PRKG2: variants seen among roughly 807,000 people sequenced by gnomAD.
PRKG2 encodes cGMP-dependent protein kinase 2.
In PRKG2, 33 loss-of-function variants were observed where a neutral mutation model predicts 97.2. The observed-to-expected ratio is 0.34, with a 90% CI of 0.26 to 0.45. PRKG2 has a LOEUF of 0.45. Ranked by LOEUF, PRKG2 falls within the 20% of genes least tolerant of loss-of-function variation. The probability of loss-of-function intolerance (pLI) is 1.00; values close to 1 mark genes in which losing one functional copy is unlikely to be tolerated. For missense variants in PRKG2, 638 were observed against 900.0 expected (o/e 0.71, Z 3.73); for synonymous variants, 330 against 321.8 (o/e 1.03, Z -0.27).
chr4:81,118,050 T>C (rs140143435), intron 14 of PRKG2, among the ~76,000 whole-genome samples: 1 of 152,328 alleles, frequency 6.6e-6, no homozygotes, highest in Admixed American at 6.5e-5. Context: ...CTGTCTCCAA[T>C]AGTTTTGCCT....
intron 14 of PRKG2, among the ~76,000 whole-genome samples, chr4:81,118,656 T>A (rs1578370286): frequency 6.6e-6 from 1 of 152,370 alleles, no homozygotes; most frequent in Non-Finnish European, 1.5e-5. Flanking sequence ...TGTTTTCTTA[T>A]GGTTTAAAGC....
At chr4:81,173,034 T>C (rs890902273) in intron 3 of PRKG2, among the ~76,000 whole-genome samples, 1 of 152,154 alleles carries the variant, frequency 6.6e-6, no homozygotes, top group Non-Finnish European at 1.5e-5. Flanking sequence ...GTTGATATCA[T>C]GAATCTTAAT....
intron 2 of PRKG2, among the ~76,000 whole-genome samples, chr4:81,202,722 T>C (rs957057543): frequency 7.9e-6 from 1 of 126,084 alleles, no homozygotes; most frequent in African/African-American, 4.5e-5. Flanking sequence ...AAAGTGTATA[T>C]AACTACTGAT....
upstream of PRKG2, among the ~76,000 whole-genome samples, chr4:81,216,240 C>A (rs750712731): frequency 1.1e-4 from 16 of 151,898 alleles, no homozygotes; most frequent in Non-Finnish European, 1.5e-4. Context: ...TGAATGAGAC[C>A]ATTAAGTTTC....
At chr4:81,154,897 G>T (rs1297148264) in intron 6 of PRKG2, among the ~76,000 whole-genome samples, 1 of 152,104 alleles carries the variant, frequency 6.6e-6, no homozygotes, top group Admixed American at 6.5e-5. Context: ...TGTATAGGCC[G>T]GGCGCGGTGG....
intron 6 of PRKG2, among the ~76,000 whole-genome samples, chr4:81,159,777 C>G (rs1011166677): frequency 5.9e-5 from 9 of 151,536 alleles, no homozygotes; most frequent in Non-Finnish European, 1.2e-4. Flanking sequence ...TACTATGCAG[C>G]CATAAAAAAT....
At chr4:81,116,351 C>T (rs1294915535) in intron 14 of PRKG2, among the ~76,000 whole-genome samples, 1 of 152,050 alleles carries the variant, frequency 6.6e-6, no homozygotes. Flanking sequence ...CATGTTGCTG[C>T]GAAGTACATG....
intron 17 of PRKG2, among the ~76,000 whole-genome samples, chr4:81,101,638 G>A (rs1344281461): frequency 1.3e-5 from 2 of 150,954 alleles, no homozygotes; most frequent in Non-Finnish European, 2.9e-5. Flanking sequence ...ACTGAGTGCA[G>A]CACACCAACA....
chr4:81,126,561 T>C lies in PRKG2; in HGVS notation c.1776+8594A>G, dbSNP rs1020567968. 1.2e-4 allele frequency among the ~76,000 whole-genome samples: 19 copies of C among 152,368 alleles called. 1 individual carries two copies. Among genetic ancestry groups the C allele is most frequent in the African/African-American group, 3.4e-4 (14 of 41,592 alleles). ...CTGTTATTTCCAGACTTCTTAATGA[T>C]TGCCCTTCTAACTGGCGTGAGCTGG... On this transcript the variant is annotated intron_variant, in intron 14 of 18. Transcript: ENST00000264399.
At chr4:81,180,638 A>T (rs1185688286) in intron 2 of PRKG2, among the ~76,000 whole-genome samples, 1 of 152,144 alleles carries the variant, frequency 6.6e-6, no homozygotes, top group African/African-American at 2.4e-5. Flanking sequence ...AAATTGGCAA[A>T]ATTAAAAGAA....
At chr4:81,217,048 T>TATATATAA (rs1754303958), upstream of PRKG2, among the ~76,000 whole-genome samples, 1 of 141,818 alleles carries the variant, frequency 7.1e-6, no homozygotes, top group African/African-American at 2.7e-5. Context: ...TATATATATA[T>TATATATAA]ATATATGTGT....
At chr4:81,161,158 C>A (rs922514079) in intron 6 of PRKG2, among the ~76,000 whole-genome samples, 1 of 152,078 alleles carries the variant, frequency 6.6e-6, no homozygotes, top group South Asian at 2.1e-4. Context: ...CTAATACTAA[C>A]AAACATGCGT....
chr4:81,130,317 A>G (rs1746044779), intron 14 of PRKG2, among the ~76,000 whole-genome samples: 2 of 152,170 alleles, frequency 1.3e-5, no homozygotes, highest in African/African-American at 2.4e-5. Context: ...TTACCAGGTG[A>G]GGCTGCAGAA....
chr4:81,190,906 T>C (rs1480408992), intron 2 of PRKG2, among the ~76,000 whole-genome samples: 1 of 152,130 alleles, frequency 6.6e-6, no homozygotes, highest in Non-Finnish European at 1.5e-5. Flanking sequence ...CCAGGTAGAA[T>C]GGTGATCATT....
intron 6 of PRKG2, among the ~76,000 whole-genome samples, chr4:81,163,573 G>A (rs1224311331): frequency 6.6e-6 from 1 of 151,888 alleles, no homozygotes; most frequent in East Asian, 1.9e-4. Context: ...CTCTAAATTG[G>A]TTTCATAACC....
intron 17 of PRKG2, among the ~76,000 whole-genome samples, chr4:81,102,015 T>C (rs755319279): frequency 7.9e-5 from 12 of 152,076 alleles, no homozygotes; most frequent in Non-Finnish European, 1.3e-4. Context: ...ACTATGAAAA[T>C]AGAATGAAAA....
chr4:81,096,275 C>T (rs1742105434), intron 17 of PRKG2, among the ~76,000 whole-genome samples: 1 of 152,104 alleles, frequency 6.6e-6, no homozygotes, highest in Non-Finnish European at 1.5e-5. Flanking sequence ...GGCATAGTGG[C>T]TCATGCCTAC....
At chr4:81,189,780 A>G (rs1259690863) in intron 2 of PRKG2, among the ~76,000 whole-genome samples, 1 of 150,330 alleles carries the variant, frequency 6.7e-6, no homozygotes, top group African/African-American at 2.5e-5. Context: ...TAATAAAAAG[A>G]AAAAAAACAG....
chr4:81,169,952 G>T (rs541456226), intron 4 of PRKG2, among the ~76,000 whole-genome samples, 184 bp from the exon 5 acceptor site: 11 of 152,022 alleles, frequency 7.2e-5, no homozygotes, highest in African/African-American at 2.7e-4. Flanking sequence ...AATCATTTTG[G>T]CTTTGAAATA....
Sources: gnomAD v4.1 joint callset for allele counts (sites outside exome capture counted in the v4.1 genomes callset) on GRCh38, gnomAD v4.1.1 for gene constraint, MANE v1.5 for transcripts, NCBI Gene and HGNC (gene_info 2026-07-23, HGNC 2026-07-21) for gene names.